GCC2: variants seen among roughly 807,000 people sequenced by gnomAD.
The protein encoded by GCC2 is GRIP and coiled-coil domain containing 2.
A neutral mutation model predicts 210.6 loss-of-function variants in GCC2; 120 were observed. The observed-to-expected ratio is 0.57, with a 90% confidence interval of 0.49 to 0.66. The LOEUF is 0.66. GCC2 is among the 30% of genes least tolerant of loss of function. The pLI is 0.00. For missense variants in GCC2, 1,868 were observed against 1,871.9 expected, an observed-to-expected ratio of 1.00 and a Z score of 0.04; for synonymous variants, 703 against 652.7, an observed-to-expected ratio of 1.08 and a Z score of -1.17.
chr2:108,486,626 A>G lies in GCC2; in HGVS notation c.3908A>G (p.Gln1303Arg). The G allele has an allele frequency of 6.2e-7, 1 of 1,613,482 alleles. No individual in the cohort carries two copies. Among genetic ancestry groups the G allele is most frequent in the Non-Finnish European group, 8.5e-7 (1 of 1,179,762 alleles). The change falls in exon 16 of 23, where the codon CAG (glutamine) becomes CGG (arginine). Residue 1303 changes from glutamine (Q) to arginine (R), a missense_variant. Physicochemically the swap from Gln to Arg is conservative, Grantham distance 43 (BLOSUM62 1). Coordinates refer to ENST00000309863, the MANE Select transcript of GCC2 (RefSeq NM_181453.4). ...TACCAGCAGAGAGTGACAGCACTAC[A>G]GGAAGAGTGCCGTGCTGCCAAGGTG... Reference protein sequence around the residue: ...SAYQQRVTALQEECRAAKAEQ... With the variant: ...SAYQQRVTALREECRAAKAEQ...
At chr2:108,493,290 G>T (rs893896419) in intron 19 of GCC2, 1 of 544,646 alleles carries the variant, frequency 1.8e-6, no homozygotes, top group Non-Finnish European at 2.4e-6. Flanking sequence ...CAGTTTCACC[G>T]TGTTAGCCAG....
At chr2:108,464,158 G>A (rs978253596) in intron 4 of GCC2, among the ~76,000 whole-genome samples, 3 of 152,116 alleles carry the variant, frequency 2.0e-5, no homozygotes, top group Non-Finnish European at 2.9e-5. Context: ...ATGTTGTGTC[G>A]CTGCGACTAA....
At chr2:108,498,391 T>C (rs1682755599) in intron 21 of GCC2, among the ~76,000 whole-genome samples, 1 of 151,860 alleles carries the variant, frequency 6.6e-6, no homozygotes, top group South Asian at 2.1e-4. Flanking sequence ...AGGCATGGTT[T>C]CACCATGTTG....
rs1200741086 is a variant in GCC2 at position 108,470,885 on chromosome 2, TGCA to T, written c.1561_1563del (p.Gln521del). The stretch of plus-strand genomic sequence containing the variant: ...CAGCAAGCATCTGATGTTCATGAAC[TGCA>T]GCAGAAGCTCAGAACTGCTTTTACT... On this transcript the variant is annotated inframe_deletion, in exon 6 of 23. Transcript: ENST00000309863. 6.2e-7 allele frequency: 1 copy of T among 1,613,702 alleles called. No homozygotes were observed. Among genetic ancestry groups the T allele is most frequent in the Admixed American group, 1.7e-5 (1 of 59,974 alleles).
rs1429597375 is a variant in GCC2 at position 108,490,427 on chromosome 2, G to A, written c.4229+413G>A. Among the ~76,000 whole-genome samples, 3 of 152,008 alleles carry A rather than the reference G, an allele frequency of 2.0e-5. No individual in the cohort carries two copies. The East Asian group carries it at 5.8e-4, about 29-fold the overall frequency. The stretch of plus-strand genomic sequence containing the variant: ...TTCTGTCTTCAATTTGTCATATTTT[G>A]TTCACTGTAATACTTTAAATAGACA... On this transcript the variant is annotated intron_variant, in intron 18 of 22. Coordinates refer to ENST00000309863, the MANE Select transcript of GCC2 (RefSeq NM_181453.4).
intron 7 of GCC2, among the ~76,000 whole-genome samples, chr2:108,474,562 G>A (rs1017222212): frequency 2.6e-5 from 4 of 152,138 alleles, no homozygotes; most frequent in Admixed American, 1.3e-4. Context: ...CTTTTCAAGG[G>A]ATTTGCTATA....
At chr2:108,457,229 C>T (rs752270080) in intron 4 of GCC2, among the ~76,000 whole-genome samples, 3 of 152,082 alleles carry the variant, frequency 2.0e-5, no homozygotes, top group South Asian at 2.1e-4. Context: ...TTCCTGGCAC[C>T]GTTTGTTAAG....
chr2:108,452,429 C>A lies in GCC2; in HGVS notation c.179C>A (p.Ser60Ter). The change falls in exon 4 of 23, where the codon TCA (serine) becomes TAA (stop). Residue 60 changes from serine (S) to a stop codon, truncating the protein, a stop_gained. Coordinates refer to ENST00000309863, the MANE Select transcript of GCC2 (RefSeq NM_181453.4). LOFTEE classifies it high-confidence loss of function. ...GAGAAAGAAATTGAAGAACTCAGAT[C>A]AAAACCTGTTACTGAAGGAACTGGT... is the stretch of plus-strand genomic sequence containing the variant. ...ELEKEIEELR[S>*]KPVTEGTGDI... 1.3e-6 allele frequency: 2 copies of A among 1,553,426 alleles called. No homozygotes were observed. Among genetic ancestry groups the A allele is most frequent in the South Asian group, 1.1e-5 (1 of 89,702 alleles).
intron 9 of GCC2, among the ~76,000 whole-genome samples, chr2:108,478,237 T>TTGTATAATTC (rs372903557): frequency 0.22 from 33,947 of 152,048 alleles, 4,185 homozygotes; most frequent in African/African-American, 0.32. Context: ...ATACTAATTC[T>TTGTATAATTC]TTGTCATGTA....
At chr2:108,493,728 C>T (rs1380972788) in intron 19 of GCC2, 10 of 985,248 alleles carry the variant, frequency 1.0e-5, no homozygotes, top group South Asian at 4.7e-5. Context: ...TAGCCGCTAT[C>T]GGTCACTTAT....
chr2:108,467,719 G>T (rs889490118), intron 4 of GCC2, among the ~76,000 whole-genome samples: 1 of 152,112 alleles, frequency 6.6e-6, no homozygotes, highest in Non-Finnish European at 1.5e-5. Flanking sequence ...GTCATAAAAT[G>T]GGTCTTTGAT....
chr2:108,449,439 G>C (rs1457385870), intron 1 of GCC2, 159 bp downstream of exon 1: 2 of 1,378,566 alleles, frequency 1.5e-6, no homozygotes, highest in Non-Finnish European at 2.0e-6. Flanking sequence ...TATCCCTGGG[G>C]GTTACCTGCC....
rs185324754 is a variant in GCC2, at chr2:108,495,428, G to A, written c.4585G>A (p.Ala1529Thr). 2.0e-5 allele frequency: 32 copies of A among 1,593,894 alleles called. No homozygotes were observed. Among genetic ancestry groups the A allele is most frequent in the Admixed American group, 3.3e-5 (2 of 59,932 alleles). ...ETTDTESVSS[A>T]STYTQSLEQL... ...AACTGATACGGAGTCTGTGTCTTCC[G>A]CCAGCACATACACACAGTCTTTAGA... The change falls in exon 20 of 23, where the codon GCC becomes ACC. Residue 1529 changes from alanine (A) to threonine (T), a missense_variant. Physicochemically the swap from Ala to Thr is moderately conservative, Grantham distance 58. This residue lies in a region of GCC2 where 1,847 missense variants were observed against 1,765.2 expected (regional missense o/e 1.05). Coordinates refer to ENST00000309863, the MANE Select transcript of GCC2 (RefSeq NM_181453.4).
chr2:108,454,866 G>GTTA (rs2104409097), intron 4 of GCC2, among the ~76,000 whole-genome samples: 1 of 151,772 alleles, frequency 6.6e-6, no homozygotes, highest in East Asian at 1.9e-4. Context: ...AGTTATCATT[G>GTTA]TTATTACTAC....
Position 108,486,551 on chromosome 2 carries a change from A to C in GCC2, c.3833A>C (p.His1278Pro). ...ATAACATCAGAGAAGCACAAAATCC[A>C]CGAGCACCTGAAAACCTCTGCGGAA... The part of the protein sequence containing the change: ...AEITSEKHKI[H>P]EHLKTSAEQH... Residue 1278 changes from histidine to proline, a missense_variant, in exon 16 of 23, where the codon CAC becomes CCC. By Grantham distance (77) the His-to-Pro change is moderately conservative. Coordinates refer to ENST00000309863, the MANE Select transcript of GCC2 (RefSeq NM_181453.4). 1 of 1,614,174 alleles carries C rather than the reference A, an allele frequency of 6.2e-7. No homozygotes were observed. The highest frequency in any genetic ancestry group is 1.7e-4 in the Middle Eastern group (1 of 6,060).
intron 4 of GCC2, among the ~76,000 whole-genome samples, chr2:108,466,597 C>G (rs746187318): frequency 1.3e-5 from 2 of 151,926 alleles, no homozygotes; most frequent in African/African-American, 4.8e-5. Context: ...CTCAGCCTCC[C>G]GAGTAGCTGG....
rs375071388 is a variant in GCC2, at chr2:108,470,066, C to T, written c.737C>T (p.Ala246Val). 6.2e-7 allele frequency: 1 copy of T among 1,613,636 alleles called. No homozygotes were observed. Among genetic ancestry groups the T allele is most frequent in the Non-Finnish European group, 8.5e-7 (1 of 1,179,718 alleles). ...SLQEELLQLK[A>V]IHQEEVKELM... ...CAGGAAGAGCTTTTACAGTTGAAAG[C>T]TATACACCAAGAAGAGGTGAAAGAG... is the stretch of plus-strand genomic sequence containing the variant. Residue 246 changes from alanine to valine, a missense_variant, in exon 6 of 23, where the codon GCT becomes GTT. This residue lies in a region of GCC2 where 1,847 missense variants were observed against 1,765.2 expected (regional missense o/e 1.05). Coordinates refer to ENST00000309863, the MANE Select transcript of GCC2 (RefSeq NM_181453.4).
rs1681902365 is a variant in GCC2 at position 108,482,322 on chromosome 2, G to A, written c.3216G>A (p.Leu1072=). The A allele has an allele frequency of 6.3e-7, 1 of 1,588,396 alleles. No homozygotes were observed. The highest frequency in any genetic ancestry group is 8.6e-7 in the Non-Finnish European group (1 of 1,162,648). Residue 1072 remains leucine (L), a synonymous_variant, in exon 11 of 23, where the codon CTG becomes CTA. Coordinates refer to ENST00000309863, the MANE Select transcript of GCC2 (RefSeq NM_181453.4). The stretch of plus-strand genomic sequence containing the variant: ...TAAATTCTGATAATGAAGATCTCCT[G>A]GCTCGTATTGAGACATTACAGTCTA... ...ETINSDNEDL[L]ARIETLQSNA...
At chr2:108,449,487 C>T in intron 1 of GCC2, 146 bp from the exon 2 acceptor site, 2 of 1,156,480 alleles carry the variant, frequency 1.7e-6, no homozygotes, top group Non-Finnish European at 2.5e-6. Context: ...CCACAGCGAC[C>T]GCCTCCGTCC....
Sources: gnomAD v4.1 joint callset for allele counts (sites outside exome capture counted in the v4.1 genomes callset) on GRCh38, gnomAD v4.1.1 for gene constraint, gnomAD v4.1.1 regional missense constraint, MANE v1.5 for transcripts, NCBI Gene and HGNC (gene_info 2026-07-23, HGNC 2026-07-21) for gene names.